Variants in TNS3 observed in about 807,000 individuals in gnomAD.
TNS3 encodes tensin-3.
TNS3 carries 45 observed loss-of-function variants against 140.9 expected under a neutral mutation model. The observed-to-expected ratio is 0.32, with a 90% CI of 0.25 to 0.41. The LOEUF (loss-of-function observed/expected upper bound fraction) is 0.41. Ranked by LOEUF, TNS3 falls within the 10% of genes least tolerant of loss-of-function variation. TNS3 has a pLI of 1.00. For synonymous variants in TNS3, 815 were observed against 788.4 expected (o/e 1.03, Z -0.56); for missense variants, 1,716 against 1,906.7 (o/e 0.90, Z 1.86).
At chr7:47,433,262 G>A (rs1032599060) in intron 8 of TNS3, among the ~76,000 whole-genome samples, 2 of 152,252 alleles carry the variant, frequency 1.3e-5, no homozygotes, top group African/African-American at 4.8e-5. Context: ...CACCCCCGCA[G>A]TGATGATGAT....
chr7:47,365,131 G>C (rs773521780), intron 17 of TNS3, among the ~76,000 whole-genome samples: 7 of 152,194 alleles, frequency 4.6e-5, no homozygotes, highest in Non-Finnish European at 1.0e-4. Context: ...ACGCATTAAA[G>C]AGTATCTAAA....
chr7:47,438,562 G>A (rs1676822542), intron 6 of TNS3, among the ~76,000 whole-genome samples: 1 of 152,164 alleles, frequency 6.6e-6, no homozygotes, highest in African/African-American at 2.4e-5. Flanking sequence ...CCACTGCCAG[G>A]TCACAGACAA....
intron 3 of TNS3, among the ~76,000 whole-genome samples, chr7:47,489,029 CT>C (rs1797714480): frequency 6.6e-6 from 1 of 152,236 alleles, no homozygotes; most frequent in Admixed American, 6.5e-5. Flanking sequence ...CTCACCCTAA[CT>C]TTGCTTCTGT....
At chr7:47,299,397 C>T (rs1786251345) in intron 23 of TNS3, among the ~76,000 whole-genome samples, 1 of 149,146 alleles carries the variant, frequency 6.7e-6, no homozygotes, top group Admixed American at 6.6e-5. Context: ...ACCTCAGCTT[C>T]CCTAAGTTGC....
chr7:47,306,329 T>C (rs937550898), intron 20 of TNS3, among the ~76,000 whole-genome samples: 5 of 152,102 alleles, frequency 3.3e-5, no homozygotes, highest in Non-Finnish European at 5.9e-5. Context: ...CAGGATGTAA[T>C]ATCCTGGTTT....
At chr7:47,506,972 T>G in intron 2 of TNS3, 28 bp from the exon 3 acceptor site, 1 of 1,283,488 alleles carries the variant, frequency 7.8e-7, no homozygotes, top group Non-Finnish European at 1.0e-6. Flanking sequence ...AGAAAGAATG[T>G]GTGTCAAGCA....
intron 20 of TNS3, among the ~76,000 whole-genome samples, chr7:47,339,215 T>C (rs1312614986): frequency 6.6e-6 from 1 of 152,216 alleles, no homozygotes; most frequent in African/African-American, 2.4e-5. Flanking sequence ...TTTTATAAAG[T>C]CTAATTTGTC....
chr7:47,353,814 A>C (rs1355184269), intron 17 of TNS3, among the ~76,000 whole-genome samples: 1 of 152,036 alleles, frequency 6.6e-6, no homozygotes, highest in Non-Finnish European at 1.5e-5. Flanking sequence ...CTCACCCTAC[A>C]ACCATCCTAT....
intron 3 of TNS3, among the ~76,000 whole-genome samples, chr7:47,497,670 C>CACACACAT (rs1232614761): frequency 1.8e-5 from 2 of 113,522 alleles, no homozygotes; most frequent in Non-Finnish European, 3.8e-5. Context: ...GGAACACACA[C>CACACACAT]ACACACACAC....
At chr7:47,309,372 T>G (rs2150754988) in intron 20 of TNS3, among the ~76,000 whole-genome samples, 1 of 152,178 alleles carries the variant, frequency 6.6e-6, no homozygotes, top group South Asian at 2.1e-4. Flanking sequence ...TCCCCAAGAC[T>G]TAAGAGTATT....
At chr7:47,541,769 A>C (rs1799795427) in intron 1 of TNS3, among the ~76,000 whole-genome samples, 1 of 152,068 alleles carries the variant, frequency 6.6e-6, no homozygotes, top group Admixed American at 6.5e-5. Context: ...TAACACGGTG[A>C]AACCCTGTCT....
intron 2 of TNS3, among the ~76,000 whole-genome samples, chr7:47,518,839 G>A (rs1286005222): frequency 6.6e-6 from 1 of 152,216 alleles, no homozygotes; most frequent in Non-Finnish European, 1.5e-5. Flanking sequence ...GAAGCACAGA[G>A]AGGCAGTGGA....
intron 8 of TNS3, among the ~76,000 whole-genome samples, chr7:47,434,004 T>G (rs1368803253): frequency 1.3e-5 from 2 of 151,984 alleles, no homozygotes; most frequent in East Asian, 3.9e-4. Context: ...CACGGACGAT[T>G]TGGTGGTCCT....
At position 47,462,815 on chromosome 7, in the gene TNS3, C is replaced by T. The variant is rs576455822; in HGVS notation, c.-76+18288G>A. On this transcript the variant is annotated intron_variant, in intron 4 of 30. Transcript: ENST00000311160. The stretch of plus-strand genomic sequence containing the variant: ...TTAGCCCTCTGCCCTGATTCCTCCC[C>T]GCTGTGCCTCTCTTCTCCCTGCCTC... Among the ~76,000 whole-genome samples, 18 of 152,278 alleles carry T rather than the reference C, an allele frequency of 1.2e-4. No homozygotes were observed. The South Asian group carries it at 2.1e-3, about 18-fold the overall frequency.
intron 4 of TNS3, among the ~76,000 whole-genome samples, chr7:47,472,023 G>A (rs1002889372): frequency 6.6e-6 from 1 of 152,210 alleles, no homozygotes; most frequent in Admixed American, 6.5e-5. Context: ...GAGCCCCAGG[G>A]AGGATCTGTC....
intron 3 of TNS3, among the ~76,000 whole-genome samples, chr7:47,505,420 C>T (rs1798378270): frequency 6.6e-6 from 1 of 152,230 alleles, no homozygotes; most frequent in Non-Finnish European, 1.5e-5. Flanking sequence ...GAAATGCCCA[C>T]TCCTCTGGAA....
chr7:47,532,090 G>A (rs1473861070), intron 1 of TNS3, among the ~76,000 whole-genome samples: 1 of 152,116 alleles, frequency 6.6e-6, no homozygotes, highest in Non-Finnish European at 1.5e-5. Flanking sequence ...ATCCCTGCTG[G>A]CTCAGGAGTG....
intron 1 of TNS3, among the ~76,000 whole-genome samples, chr7:47,564,193 CAAAAAA>C (rs57005793): frequency 1.0e-5 from 1 of 97,936 alleles, no homozygotes. Context: ...GACTCTGTCT[CAAAAAA>C]AAAAAAAAAA....
At chr7:47,280,077 C>T (rs1431867341) in intron 30 of TNS3, 87 bp downstream of exon 30, 15 of 1,503,990 alleles carry the variant, frequency 1.0e-5, no homozygotes, top group Non-Finnish European at 1.8e-6. Flanking sequence ...TCTTATAAGG[C>T]ACCCCCTGTG....
Sources: allele counts gnomAD v4.1 joint callset (sites outside exome capture counted in the v4.1 genomes callset), GRCh38; gene constraint gnomAD v4.1.1; transcripts MANE v1.5; gene names NCBI Gene and HGNC (gene_info 2026-07-23, HGNC 2026-07-21).